BLTP3B: variants seen among roughly 807,000 people sequenced by gnomAD.
BLTP3B encodes the protein UHRF1 (ICBP90) binding protein 1-like.
chr12:100,096,363 C>T, the BLTP3B span, among the ~76,000 whole-genome samples: 3 of 152,188 alleles, frequency 2.0e-5, no homozygotes, highest in African/African-American at 4.8e-5. Context: ...TTGTACCTTA[C>T]AAGTTATATA....
chr12:100,066,515 C>A, the BLTP3B span, among the ~76,000 whole-genome samples: 1 of 151,916 alleles, frequency 6.6e-6, no homozygotes, highest in African/African-American at 2.4e-5. Flanking sequence ...ATACTCCGGC[C>A]GGGCGTGGTA....
the BLTP3B span, among the ~76,000 whole-genome samples, chr12:100,130,987 GA>G: frequency 4.5e-4 from 34 of 76,320 alleles, no homozygotes; most frequent in East Asian, 3.8e-3. Flanking sequence ...GGGAGGGAGA[GA>G]GAGAGAGAGA....
the BLTP3B span, among the ~76,000 whole-genome samples, chr12:100,129,690 A>C: frequency 1.3e-5 from 2 of 152,222 alleles, no homozygotes; most frequent in Non-Finnish European, 2.9e-5. Context: ...TGGAAAATGT[A>C]CTACTAAAAT....
chr12:100,045,872 A>G, the BLTP3B span, among the ~76,000 whole-genome samples: 1 of 152,224 alleles, frequency 6.6e-6, no homozygotes, highest in South Asian at 2.1e-4. Context: ...GAACTTAAAC[A>G]AATTTACAAG....
chr12:100,080,130 C>T, the BLTP3B span, among the ~76,000 whole-genome samples: 1 of 152,160 alleles, frequency 6.6e-6, no homozygotes, highest in Non-Finnish European at 1.5e-5. Context: ...GGTCAAAGCC[C>T]CCACACAAAG....
chr12:100,108,648 G>C, the BLTP3B span: 19 of 967,036 alleles, frequency 2.0e-5, no homozygotes, highest in Non-Finnish European at 2.8e-5. Flanking sequence ...AATAGGAGTG[G>C]ACACAACATA....
chr12:100,071,651 G>A, the BLTP3B span, among the ~76,000 whole-genome samples: 4 of 151,936 alleles, frequency 2.6e-5, no homozygotes, highest in East Asian at 5.8e-4. Context: ...TCATTTTAAC[G>A]TTAGAAAGCC....
the BLTP3B span, chr12:100,098,448 T>C: frequency 6.2e-7 from 1 of 1,614,044 alleles, no homozygotes; most frequent in South Asian, 1.1e-5. Context: ...AAAGTTCAAA[T>C]GATGCATTGA....
At chr12:100,095,947 C>A in the BLTP3B span, 11 of 1,050,134 alleles carry the variant, frequency 1.0e-5, no homozygotes, top group Admixed American at 3.7e-4. Flanking sequence ...ATGGATTCTT[C>A]CTTCACACAA....
the BLTP3B span, among the ~76,000 whole-genome samples, chr12:100,062,576 G>A: frequency 6.7e-6 from 1 of 149,924 alleles, no homozygotes; most frequent in Non-Finnish European, 1.5e-5. Flanking sequence ...AAAATGCAAG[G>A]AAGGAATTTT....
At chr12:100,048,504 A>G in the BLTP3B span, among the ~76,000 whole-genome samples, 1 of 152,088 alleles carries the variant, frequency 6.6e-6, no homozygotes, top group Non-Finnish European at 1.5e-5. Flanking sequence ...ACCTAACTAT[A>G]CATTCAAATG....
chr12:100,137,858 G>A, the BLTP3B span, among the ~76,000 whole-genome samples: 1 of 152,144 alleles, frequency 6.6e-6, no homozygotes, highest in Non-Finnish European at 1.5e-5. Flanking sequence ...GGAGCAACAA[G>A]CCTAACTCAA....
chr12:100,102,701 T>A, the BLTP3B span: 1 of 70,316 alleles, frequency 1.4e-5, no homozygotes, highest in Non-Finnish European at 2.2e-5. Flanking sequence ...AGGTTAAGGC[T>A]TTTTTTTTTT....
chr12:100,050,149 A>G, the BLTP3B span: 1 of 1,459,330 alleles, frequency 6.9e-7, no homozygotes, highest in Non-Finnish European at 9.0e-7. Flanking sequence ...ATGAAAAATA[A>G]TTAAAAAAAA....
chr12:100,075,405 A>G, the BLTP3B span, among the ~76,000 whole-genome samples: 1 of 152,232 alleles, frequency 6.6e-6, no homozygotes, highest in Non-Finnish European at 1.5e-5. Context: ...AAGCTAGGAA[A>G]TACCATTCTG....
the BLTP3B span, among the ~76,000 whole-genome samples, chr12:100,048,656 T>C: frequency 6.8e-6 from 1 of 147,308 alleles, no homozygotes; most frequent in Admixed American, 6.9e-5. Context: ...CCTCAAATAA[T>C]GGAAAAGTAA....
At chr12:100,088,265 A>G in the BLTP3B span, among the ~76,000 whole-genome samples, 1 of 152,186 alleles carries the variant, frequency 6.6e-6, no homozygotes, top group African/African-American at 2.4e-5. Flanking sequence ...AGGTAGGCCT[A>G]CCTGCTGAAC....
the BLTP3B span, chr12:100,084,728 T>C: frequency 7.0e-7 from 1 of 1,433,176 alleles, no homozygotes; most frequent in Non-Finnish European, 9.4e-7. Context: ...TAGTAATGCT[T>C]CCAATGAGAT....
At chr12:100,109,161 T>TCTCTCTCC in the BLTP3B span, among the ~76,000 whole-genome samples, 5 of 4,710 alleles carry the variant, frequency 1.1e-3, no homozygotes, top group South Asian at 6.3e-3. Flanking sequence ...GCAGTTTTCC[T>TCTCTCTCC]CTCTCTCTCT....
Sources: allele counts gnomAD v4.1 joint callset (sites outside exome capture counted in the v4.1 genomes callset), GRCh38; gene constraint gnomAD v4.1.1; transcripts MANE v1.5; gene names NCBI Gene and HGNC (gene_info 2026-07-23, HGNC 2026-07-21).